Variants in GSE1 observed in about 807,000 individuals in gnomAD.
GSE1 encodes Gse1 coiled-coil protein.
Under a neutral mutation model 112.6 loss-of-function variants are expected in GSE1, and 32 were observed. That is an observed-to-expected ratio of 0.28 (90% confidence interval 0.21 to 0.38). The LOEUF is 0.38. Among genes scored for constraint, GSE1 ranks in the 10% least tolerant of loss-of-function variants. The pLI, the probability that GSE1 is intolerant of heterozygous loss-of-function variation, is 1.00. For synonymous variants in GSE1, 1,115 were observed against 735.6 expected (o/e 1.52, Z -8.35); for missense variants, 2,348 against 1,699.2 (o/e 1.38, Z -6.71).
chr16:85,660,876 C>G (rs144092526), intron 8 of GSE1, among the ~76,000 whole-genome samples: 1,906 of 152,206 alleles, frequency 0.013, 44 homozygotes, highest in African/African-American at 0.044. Flanking sequence ...GTGATCCACC[C>G]TCCTCGGCCT....
chr16:85,558,492 A>T (rs2045346613), intron 1 of GSE1, among the ~76,000 whole-genome samples: 1 of 152,198 alleles, frequency 6.6e-6, no homozygotes, highest in South Asian at 2.1e-4. Flanking sequence ...GAGACTCAGA[A>T]AGAGGAGGAG....
intron 2 of GSE1, among the ~76,000 whole-genome samples, chr16:85,640,900 C>A (rs979464829): frequency 1.3e-5 from 2 of 151,900 alleles, no homozygotes; most frequent in African/African-American, 2.4e-5. Flanking sequence ...TCTCCTGGCC[C>A]GGGGGCCAGA....
chr16:85,294,469 T>A (rs1021715405), intron 1 of GSE1, among the ~76,000 whole-genome samples: 3 of 152,162 alleles, frequency 2.0e-5, no homozygotes, highest in Non-Finnish European at 4.4e-5. Context: ...GGAGGTTGGT[T>A]CCAGGTTCTG....
intron 1 of GSE1, among the ~76,000 whole-genome samples, chr16:85,191,502 C>G (rs964749549): frequency 2.0e-5 from 3 of 152,160 alleles, no homozygotes; most frequent in African/African-American, 7.2e-5. Context: ...TTGGAAAGTT[C>G]AGAGAGGAAT....
At chr16:85,397,592 C>T (rs2047997479) in intron 2 of GSE1, among the ~76,000 whole-genome samples, 1 of 152,214 alleles carries the variant, frequency 6.6e-6, no homozygotes, top group South Asian at 2.1e-4. Flanking sequence ...CCAAAGTCAC[C>T]TTCCATGCAG....
intron 2 of GSE1, among the ~76,000 whole-genome samples, chr16:85,436,795 G>T (rs1266408765): frequency 6.6e-6 from 1 of 152,210 alleles, no homozygotes; most frequent in Admixed American, 6.5e-5. Context: ...GACCCCACGC[G>T]CGCTGCCAGG....
chr16:85,227,792 C>T (rs375038053), intron 1 of GSE1, among the ~76,000 whole-genome samples: 1 of 152,212 alleles, frequency 6.6e-6, no homozygotes, highest in African/African-American at 2.4e-5. Context: ...GATGGGTTGA[C>T]TGATTGATTC....
At chr16:85,186,185 A>G (rs1340283369) in intron 1 of GSE1, among the ~76,000 whole-genome samples, 3 of 152,202 alleles carry the variant, frequency 2.0e-5, no homozygotes, top group Admixed American at 6.5e-5. Flanking sequence ...TAACATGTAA[A>G]ACAGGTTGGG....
At position 85,655,808 on chromosome 16, in the gene GSE1, C is replaced by A. The variant is rs1351444977; in HGVS notation, c.880C>A (p.Pro294Thr). 1.9e-6 allele frequency: 3 copies of A among 1,610,188 alleles called. No homozygotes were observed. Among genetic ancestry groups the A allele is most frequent in the Admixed American group, 1.7e-5 (1 of 60,016 alleles). The change falls in exon 6 of 16, where the codon CCA (proline) becomes ACA (threonine). Residue 294 changes from proline (P) to threonine (T), a missense_variant. By Grantham distance (38) the Pro-to-Thr change is conservative. Transcript: ENST00000253458. ...CCCCGGCTCCCTGCCCCCACTGCAC[C>A]CATCAGCGATGCACCTGCACCTCTC... ...PTPGSLPPLH[P>T]SAMHLHLSGV...
upstream of GSE1, among the ~76,000 whole-genome samples, chr16:85,610,445 G>A (rs1415219703): frequency 6.6e-6 from 1 of 152,236 alleles, no homozygotes; most frequent in Non-Finnish European, 1.5e-5. Flanking sequence ...ATGGAGGGAG[G>A]CCAGCCTTAG....
Position 85,170,526 on chromosome 16 carries a change from G to T in GSE1, c.1002G>T (p.Lys334Asn), listed in dbSNP as rs1193849586. The change falls in exon 1 of 3, where the codon AAG (lysine) becomes AAT (asparagine). Residue 334 changes from lysine (K) to asparagine (N), a missense_variant. Coordinates refer to the GSE1 transcript ENST00000637419. ...TCACCAGTGGGGAAGAGGACCACAA[G>T]GAACAGCCTTTCCCAGGCGTCTGCA... is the stretch of plus-strand genomic sequence containing the variant. The T allele has an allele frequency of 3.0e-6, 3 of 985,662 alleles. No homozygotes were observed. The African/African-American group carries it at 5.2e-5, about 17-fold the overall frequency. The allele number at this position is 985,662 out of a possible 1,614,324, so 61.1% of individuals were successfully genotyped here.
chr16:85,557,572 T>C (rs1291796158), intron 1 of GSE1, among the ~76,000 whole-genome samples: 1 of 151,610 alleles, frequency 6.6e-6, no homozygotes, highest in Non-Finnish European at 1.5e-5. Flanking sequence ...GTTTCGGGTT[T>C]TTTTTTTTCC....
rs2048129852 is a variant in GSE1 at position 85,613,410 on chromosome 16, G to A, written c.7+12G>A. 6.4e-6 allele frequency: 10 copies of A among 1,554,528 alleles called. No individual in the cohort carries two copies. The highest frequency in any genetic ancestry group is 1.4e-5 in the African/African-American group (1 of 72,516). On this transcript the variant is annotated intron_variant, in intron 1 of 15. Coordinates refer to ENST00000253458, the MANE Select transcript of GSE1 (RefSeq NM_014615.5). Reference sequence around the variant, plus strand: ...CCCTGGCATGAAAGGTGAGCGCGCCGCACCCGGCCGGGGACGGGGTCCTCC... The same window carrying A: ...CCCTGGCATGAAAGGTGAGCGCGCCACACCCGGCCGGGGACGGGGTCCTCC...
intron 2 of GSE1, among the ~76,000 whole-genome samples, chr16:85,433,177 C>G (rs1167778517): frequency 6.6e-6 from 1 of 151,918 alleles, no homozygotes; most frequent in Non-Finnish European, 1.5e-5. Context: ...ATGCAACCAG[C>G]CTTGGGTTCA....
intron 2 of GSE1, among the ~76,000 whole-genome samples, chr16:85,641,522 G>T (rs1210199421): frequency 6.6e-6 from 1 of 152,256 alleles, no homozygotes; most frequent in African/African-American, 2.4e-5. Context: ...TAGGGCGGCT[G>T]CTGCTACTTG....
intron 1 of GSE1, among the ~76,000 whole-genome samples, chr16:85,604,019 C>T (rs1361165417): frequency 1.3e-5 from 2 of 152,272 alleles, no homozygotes; most frequent in South Asian, 2.1e-4. Flanking sequence ...ATGGTGCTCA[C>T]ATCTGCTCAG....
Position 85,666,308 on chromosome 16 carries a change from G to A in GSE1, c.3091G>A (p.Val1031Met). 1 of 1,613,900 alleles carries A rather than the reference G, an allele frequency of 6.2e-7. No individual in the cohort carries two copies. The highest frequency in any genetic ancestry group is 8.5e-7 in the Non-Finnish European group (1 of 1,180,016). Reference sequence around the variant, plus strand: ...GTTTGCACATCAGTTCCACGAGTCAGTGCTGCAGTCCACCCAGAAGGCCCT... The same window carrying A: ...GTTTGCACATCAGTTCCACGAGTCAATGCTGCAGTCCACCCAGAAGGCCCT... ...EEFAHQFHES[V>M]LQSTQKALQK... The change falls in exon 13 of 16, where the codon GTG becomes ATG. Residue 1031 changes from valine (V) to methionine (M), a missense_variant. Transcript: ENST00000253458.
intron 1 of GSE1, among the ~76,000 whole-genome samples, chr16:85,286,455 A>C (rs2045028332): frequency 6.6e-6 from 1 of 152,228 alleles, no homozygotes; most frequent in Non-Finnish European, 1.5e-5. Context: ...GGACTTGGTG[A>C]GCCTGGTGTC....
intron 1 of GSE1, among the ~76,000 whole-genome samples, chr16:85,199,428 T>A (rs891270393): frequency 6.6e-6 from 1 of 152,056 alleles, no homozygotes; most frequent in African/African-American, 2.4e-5. Flanking sequence ...CGGGGCCGAG[T>A]CTTCTGACCA....
Sources: allele counts gnomAD v4.1 joint callset (sites outside exome capture counted in the v4.1 genomes callset), GRCh38; gene constraint gnomAD v4.1.1; transcripts MANE v1.5; gene names NCBI Gene and HGNC (gene_info 2026-07-23, HGNC 2026-07-21).